NRXN3: variants seen among roughly 807,000 people sequenced by gnomAD.
The protein encoded by NRXN3 is neurexin 3.
In NRXN3, 32 loss-of-function variants were observed where a neutral mutation model predicts 137.6. The ratio of observed to expected loss-of-function variants is 0.23; its 90% CI spans 0.18 to 0.31. The LOEUF is 0.31. NRXN3 is among the 10% of genes least tolerant of loss of function. NRXN3 has a pLI of 1.00. For missense variants in NRXN3, 1,574 were observed against 2,062.5 expected, an observed-to-expected ratio of 0.76 and a Z score of 4.59; for synonymous variants, 798 against 784.5, an observed-to-expected ratio of 1.02 and a Z score of -0.29.
intron 17 of NRXN3, among the ~76,000 whole-genome samples, chr14:79,671,151 C>T (rs376328718): frequency 2.7e-4 from 41 of 152,224 alleles, no homozygotes; most frequent in African/African-American, 8.7e-4. Context: ...ATTAGGACAG[C>T]GTTGGTCTTA....
At position 79,821,825 on chromosome 14, in the gene NRXN3, T is replaced by A. The variant is rs116160650; in HGVS notation, c.4093+16635T>A. Among the ~76,000 whole-genome samples, 1,162 of 152,200 alleles carry A rather than the reference T, an allele frequency of 7.6e-3. 12 individuals are homozygous for A. Among genetic ancestry groups the A allele is most frequent in the African/African-American group, 0.027 (1,106 of 41,548 alleles). On this transcript the variant is annotated intron_variant, in intron 20 of 20. Transcript: ENST00000335750. ...CAAAGATAAACTGATTTGCTGAAGGTCATGGACCTAGTCTTTATTGGAGTT... is the reference window on the plus strand; with the variant it reads ...CAAAGATAAACTGATTTGCTGAAGGACATGGACCTAGTCTTTATTGGAGTT...
intron 15 of NRXN3, among the ~76,000 whole-genome samples, chr14:79,068,637 A>G (rs1002604416): frequency 6.6e-6 from 1 of 152,116 alleles, no homozygotes; most frequent in Non-Finnish European, 1.5e-5. Flanking sequence ...GGGATACCAG[A>G]TGTTTTATTT....
At chr14:79,416,882 A>G (rs919443615) in intron 15 of NRXN3, among the ~76,000 whole-genome samples, 5 of 152,206 alleles carry the variant, frequency 3.3e-5, no homozygotes, top group African/African-American at 1.2e-4. Flanking sequence ...AAGGTCATCA[A>G]CCAGAAATAT....
chr14:79,035,443 C>T (rs968395602), intron 15 of NRXN3, among the ~76,000 whole-genome samples: 5 of 151,972 alleles, frequency 3.3e-5, no homozygotes, highest in South Asian at 2.1e-4. Flanking sequence ...CTTTGACAGC[C>T]ATTCACGTGA....
chr14:78,248,996 A>G (rs909661398), intron 2 of NRXN3, among the ~76,000 whole-genome samples: 1 of 152,138 alleles, frequency 6.6e-6, no homozygotes, highest in Non-Finnish European at 1.5e-5. Context: ...CCTGATTACC[A>G]AGTGAGATTT....
At chr14:78,236,344 A>C (rs2066297463) in intron 1 of NRXN3, among the ~76,000 whole-genome samples, 1 of 152,250 alleles carries the variant, frequency 6.6e-6, no homozygotes, top group Non-Finnish European at 1.5e-5. Context: ...AAGCACATAC[A>C]GTATGTGTCT....
chr14:79,340,200 A>T (rs191449571), intron 15 of NRXN3, among the ~76,000 whole-genome samples: 41 of 148,764 alleles, frequency 2.8e-4, no homozygotes, highest in Admixed American at 1.2e-3. Context: ...TATGTGTGTG[A>T]GAGAGAGAGA....
chr14:78,560,541 C>A (rs781304364), intron 4 of NRXN3, among the ~76,000 whole-genome samples: 3 of 152,186 alleles, frequency 2.0e-5, no homozygotes, highest in Non-Finnish European at 2.9e-5. Context: ...TGCTCACTGG[C>A]CCTTCCAAGA....
intron 18 of NRXN3, among the ~76,000 whole-genome samples, chr14:79,696,841 T>A (rs1037394579): frequency 6.6e-6 from 1 of 151,944 alleles, no homozygotes; most frequent in African/African-American, 2.4e-5. Context: ...CCATCCATTT[T>A]AAAAAATTTA....
At chr14:79,851,651 G>A (rs1384353963) in intron 20 of NRXN3, among the ~76,000 whole-genome samples, 1 of 152,100 alleles carries the variant, frequency 6.6e-6, no homozygotes, top group Non-Finnish European at 1.5e-5. Context: ...TGCCTTTGTG[G>A]TTCGCCTACC....
At chr14:78,537,571 C>G (rs1171104019) in intron 4 of NRXN3, among the ~76,000 whole-genome samples, 2 of 152,200 alleles carry the variant, frequency 1.3e-5, no homozygotes, top group Non-Finnish European at 1.5e-5. Flanking sequence ...CTTGTTCACT[C>G]TGATAGTAGT....
chr14:78,932,135 A>G (rs941231633), intron 10 of NRXN3, among the ~76,000 whole-genome samples: 3 of 151,600 alleles, frequency 2.0e-5, no homozygotes, highest in Admixed American at 2.0e-4. Flanking sequence ...GCAAGACTCC[A>G]TCTCTAAATT....
intron 16 of NRXN3, among the ~76,000 whole-genome samples, chr14:79,657,858 T>C (rs947847452): frequency 1.3e-5 from 2 of 152,210 alleles, no homozygotes; most frequent in African/African-American, 4.8e-5. Context: ...GTAGCAATAA[T>C]TTATTTTATC....
rs562015199 is a variant in NRXN3, at chr14:79,422,990, G to A, written c.3263-44231G>A. Among the ~76,000 whole-genome samples the A allele has an allele frequency of 9.9e-5, 15 of 152,182 alleles. No homozygotes were observed. The Middle Eastern group carries it at 0.01, about 104-fold the overall frequency. On this transcript the variant is annotated intron_variant, in intron 15 of 20. Coordinates refer to ENST00000335750, the MANE Select transcript of NRXN3 (RefSeq NM_001330195.2). Reference sequence around the variant, plus strand: ...TGGGATTACAGGCATGGGTCACCGCGCCCGGCCTAGTCACACATTCTTAAA... The same window carrying A: ...TGGGATTACAGGCATGGGTCACCGCACCCGGCCTAGTCACACATTCTTAAA...
intron 15 of NRXN3, among the ~76,000 whole-genome samples, chr14:79,278,975 T>C (rs755755714): frequency 6.6e-6 from 1 of 152,196 alleles, no homozygotes; most frequent in South Asian, 2.1e-4. Flanking sequence ...TTATTTCTAT[T>C]TGGAGCTACT....
chr14:78,896,093 C>T (rs1377422318), intron 10 of NRXN3, among the ~76,000 whole-genome samples: 1 of 151,752 alleles, frequency 6.6e-6, no homozygotes, highest in East Asian at 1.9e-4. Context: ...CTTGCTCAAC[C>T]AACGGTTGCC....
At chr14:78,788,932 C>A (rs1341704077) in intron 8 of NRXN3, among the ~76,000 whole-genome samples, 1 of 152,084 alleles carries the variant, frequency 6.6e-6, no homozygotes, top group Non-Finnish European at 1.5e-5. Flanking sequence ...AGACAGCACA[C>A]CAAGCAATGA....
intron 1 of NRXN3, among the ~76,000 whole-genome samples, chr14:78,219,152 G>C (rs980054019): frequency 7.9e-5 from 9 of 113,644 alleles, no homozygotes; most frequent in African/African-American, 3.4e-4. Context: ...TAGGAGTTTT[G>C]GTGGGAGGGG....
intron 16 of NRXN3, among the ~76,000 whole-genome samples, chr14:79,575,344 A>C (rs1327059183): frequency 2.6e-5 from 4 of 152,172 alleles, no homozygotes. Context: ...GGAGAACAAG[A>C]ACTGAAGACA....
Sources: allele counts gnomAD v4.1 joint callset (sites outside exome capture counted in the v4.1 genomes callset), GRCh38; gene constraint gnomAD v4.1.1; transcripts MANE v1.5; gene names NCBI Gene and HGNC (gene_info 2026-07-23, HGNC 2026-07-21).